The following TMEM131L variants were observed in gnomAD, a reference collection of about 807,000 sequenced individuals.
TMEM131L encodes transmembrane 131 like, also known as transmembrane protein 131-like.
A neutral mutation model predicts 192.2 loss-of-function variants in TMEM131L; 54 were observed. The ratio of observed to expected loss-of-function variants is 0.28; its 90% CI spans 0.23 to 0.35. TMEM131L has a LOEUF of 0.35. Ranked by LOEUF, TMEM131L falls within the 10% of genes least tolerant of loss-of-function variation. TMEM131L has a pLI of 1.00. For synonymous variants in TMEM131L, 701 were observed against 704.9 expected, an observed-to-expected ratio of 0.99 and a Z score of 0.09; for missense variants, 1,888 against 1,972.9, an observed-to-expected ratio of 0.96 and a Z score of 0.82.
chr4:153,547,269 T>G (rs1737254578), intron 3 of TMEM131L, among the ~76,000 whole-genome samples: 1 of 152,262 alleles, frequency 6.6e-6, no homozygotes, highest in African/African-American at 2.4e-5. Flanking sequence ...TGATTTTTAT[T>G]GGGTATGTAA....
chr4:153,553,579 C>T (rs1290902990), intron 4 of TMEM131L, among the ~76,000 whole-genome samples: 2 of 152,112 alleles, frequency 1.3e-5, no homozygotes, highest in African/African-American at 4.8e-5. Context: ...AAACTTTAGC[C>T]TGAGGGTTCT....
intron 3 of TMEM131L, among the ~76,000 whole-genome samples, chr4:153,525,936 A>G (rs1389212986): frequency 6.6e-6 from 1 of 151,746 alleles, no homozygotes; most frequent in Non-Finnish European, 1.5e-5. Flanking sequence ...GGCTCACTGC[A>G]GCCTCTGCCT....
At position 153,474,629 on chromosome 4, in the gene TMEM131L, C is replaced by G. The variant is rs528859546; in HGVS notation, c.239+741C>G. Among the ~76,000 whole-genome samples, 10 of 152,326 alleles carry G rather than the reference C, an allele frequency of 6.6e-5. No homozygotes were observed. The East Asian group carries it at 1.7e-3, about 26-fold the overall frequency. Reference sequence around the variant, plus strand: ...GGAATACAGTGGTATGATCCTGGTTCACTGCAACCTCCGCCTCCTGGGTTC... The same window carrying G: ...GGAATACAGTGGTATGATCCTGGTTGACTGCAACCTCCGCCTCCTGGGTTC... On this transcript the variant is annotated intron_variant, in intron 3 of 34. Coordinates refer to ENST00000409959, the MANE Select transcript of TMEM131L (RefSeq NM_001131007.2).
At chr4:153,473,984 T>G (rs1731347343) in intron 3 of TMEM131L, 96 bp downstream of exon 3, 1 of 754,116 alleles carries the variant, frequency 1.3e-6, no homozygotes, top group East Asian at 2.9e-5. Context: ...GTTTATGTAT[T>G]TAGTAGTATC....
intron 16 of TMEM131L, among the ~76,000 whole-genome samples, chr4:153,589,476 G>A (rs1188676210): frequency 6.6e-6 from 1 of 152,170 alleles, no homozygotes; most frequent in Non-Finnish European, 1.5e-5. Flanking sequence ...TGGGCAGAGG[G>A]ATGATTTGCA....
intron 7 of TMEM131L, among the ~76,000 whole-genome samples, chr4:153,562,747 A>G (rs990902989): frequency 6.6e-6 from 1 of 152,232 alleles, no homozygotes. Flanking sequence ...TTAGACAGAA[A>G]TATGTCATCA....
At chr4:153,586,483 C>G (rs193026895) in intron 14 of TMEM131L, 104 bp downstream of exon 14, 2 of 782,860 alleles carry the variant, frequency 2.6e-6, no homozygotes, top group Admixed American at 3.7e-5. Flanking sequence ...AGCTCACGTT[C>G]TTTAAGGCTA....
chr4:153,576,141 T>C (rs1230758543), intron 7 of TMEM131L, among the ~76,000 whole-genome samples: 3 of 152,076 alleles, frequency 2.0e-5, no homozygotes, highest in East Asian at 3.8e-4. Flanking sequence ...TTGTATTTTT[T>C]AGTAGAGACA....
chr4:153,617,245 T>C (rs913642271), intron 26 of TMEM131L, among the ~76,000 whole-genome samples: 2 of 152,202 alleles, frequency 1.3e-5, no homozygotes, highest in African/African-American at 2.4e-5. Context: ...TTTCACCTTC[T>C]GCCATGATTG....
chr4:153,524,214 C>T (rs1735319752), intron 3 of TMEM131L, among the ~76,000 whole-genome samples: 1 of 149,204 alleles, frequency 6.7e-6, no homozygotes, highest in Non-Finnish European at 1.5e-5. Flanking sequence ...TTGCCATTCT[C>T]AGAGCTTTGC....
intron 33 of TMEM131L, 157 bp downstream of exon 33, chr4:153,634,437 C>A (rs1734433581): frequency 3.4e-6 from 2 of 593,850 alleles, no homozygotes; most frequent in Non-Finnish European, 6.0e-6. Context: ...TCCAGTTGTG[C>A]ACTGATGCCA....
Position 153,635,562 on chromosome 4 carries a change from C to G in TMEM131L, c.4548C>G (p.Ile1516Met). Residue 1516 changes from isoleucine to methionine, a missense_variant, in exon 34 of 35, where the codon ATC becomes ATG. Physicochemically the swap from Ile to Met is conservative, Grantham distance 10. Coordinates refer to ENST00000409959, the MANE Select transcript of TMEM131L (RefSeq NM_001131007.2). The part of the protein sequence containing the change: ...MPAAWGHASF[I>M]SSPPYLTSTR... ...CTGCCTGGGGACATGCCAGTTTCAT[C>G]AGCTCTCCGGTCAGTGTTGCCCATC... 6.2e-7 allele frequency: 1 copy of G among 1,614,110 alleles called. No individual in the cohort carries two copies. The highest frequency in any genetic ancestry group is 1.1e-5 in the South Asian group (1 of 91,072).
intron 15 of TMEM131L, among the ~76,000 whole-genome samples, chr4:153,588,343 T>TTTG (rs1554037722): frequency 6.7e-6 from 1 of 150,204 alleles, no homozygotes; most frequent in African/African-American, 2.5e-5. Context: ...TATAGTTTTT[T>TTTG]TTTTTTTTTT....
chr4:153,523,548 G>A (rs1383629000), intron 3 of TMEM131L, among the ~76,000 whole-genome samples: 1 of 152,198 alleles, frequency 6.6e-6, no homozygotes, highest in Non-Finnish European at 1.5e-5. Context: ...GGAAGTCTTT[G>A]AGGAAGAAGA....
chr4:153,627,693 ATGCATTCGTCTTGC>A lies in TMEM131L; in HGVS notation c.4207+11_4207+24del. 6.2e-7 allele frequency: 1 copy of A among 1,608,482 alleles called. No individual in the cohort carries two copies. Among genetic ancestry groups the A allele is most frequent in the Non-Finnish European group, 8.5e-7 (1 of 1,174,868 alleles). On this transcript the variant is annotated splice_region_variant and intron_variant, in intron 31 of 34. Coordinates refer to ENST00000409959, the MANE Select transcript of TMEM131L (RefSeq NM_001131007.2). The stretch of plus-strand genomic sequence containing the variant: ...AGGTGTTGAAGAAGATAAAGGTGAG[ATGCATTCGTCTTGC>A]TGCAGACATCAGCCAAGGGTTCTGT...
At chr4:153,478,577 C>T (rs1731710212) in intron 3 of TMEM131L, among the ~76,000 whole-genome samples, 1 of 152,186 alleles carries the variant, frequency 6.6e-6, no homozygotes, top group African/African-American at 2.4e-5. Flanking sequence ...ACTTTATTCA[C>T]ATTTCACTAG....
intron 3 of TMEM131L, among the ~76,000 whole-genome samples, chr4:153,514,638 C>G (rs1354167803): frequency 4.0e-5 from 6 of 151,896 alleles, no homozygotes; most frequent in Non-Finnish European, 8.8e-5. Flanking sequence ...TAATAGGAAA[C>G]CAAAGTTAGT....
intron 3 of TMEM131L, among the ~76,000 whole-genome samples, chr4:153,547,701 C>T (rs1737289763): frequency 6.6e-6 from 1 of 152,228 alleles, no homozygotes; most frequent in South Asian, 2.1e-4. Flanking sequence ...TGCTCTGCTT[C>T]CCAAGCCGTC....
intron 3 of TMEM131L, among the ~76,000 whole-genome samples, chr4:153,479,103 G>A (rs1221773941): frequency 2.6e-5 from 4 of 152,194 alleles, no homozygotes; most frequent in Admixed American, 2.6e-4. Flanking sequence ...TGTTTTACTG[G>A]CAAGACTGCC....
Sources: gnomAD v4.1 joint callset for allele counts (sites outside exome capture counted in the v4.1 genomes callset) on GRCh38, gnomAD v4.1.1 for gene constraint, MANE v1.5 for transcripts, NCBI Gene and HGNC (gene_info 2026-07-23, HGNC 2026-07-21) for gene names.